The following RGS7 variants were observed in gnomAD, a reference collection of about 807,000 sequenced individuals.
RGS7 encodes regulator of G-protein signaling 7.
A neutral mutation model predicts 81.1 loss-of-function variants in RGS7; 27 were observed. The ratio of observed to expected loss-of-function variants is 0.33; its 90% CI spans 0.25 to 0.46. The LOEUF (loss-of-function observed/expected upper bound fraction) is 0.46, where lower values mean the gene tolerates loss of function less well. Ranked by LOEUF, RGS7 falls within the 20% of genes least tolerant of loss-of-function variation. The pLI is 1.00. For missense variants in RGS7, 396 were observed against 607.4 expected (o/e 0.65, Z 3.66); for synonymous variants, 208 against 207.7 (o/e 1.00, Z -0.01).
Position 240,920,557 on chromosome 1 carries a change from G to A in RGS7, c.385+10160C>T, listed in dbSNP as rs1673347742. On this transcript the variant is annotated intron_variant, in intron 6 of 18. Transcript: ENST00000440928. ...TACTTTGTCAAACCATGAAACTAAGGTGGCTATGGTGGTTGCAGTAACAGC... is the reference window on the plus strand; with the variant it reads ...TACTTTGTCAAACCATGAAACTAAGATGGCTATGGTGGTTGCAGTAACAGC... 2.6e-5 allele frequency: 22 copies of A among 846,760 alleles called. No homozygotes were observed. The South Asian group carries it at 2.9e-4, about 11-fold the overall frequency. 52.5% of individuals were successfully genotyped at this position (846,760 alleles called of 1,614,324 possible).
chr1:241,047,129 G>A (rs1004258834), intron 3 of RGS7, among the ~76,000 whole-genome samples: 3 of 152,156 alleles, frequency 2.0e-5, no homozygotes, highest in African/African-American at 7.2e-5. Flanking sequence ...CAGGGCAAAA[G>A]GAGATGTTAT....
At chr1:241,293,351 A>G (rs1041279593) in intron 2 of RGS7, among the ~76,000 whole-genome samples, 10 of 152,154 alleles carry the variant, frequency 6.6e-5, no homozygotes, top group African/African-American at 2.4e-4. Context: ...CATTATTTAG[A>G]GTGTATTTTT....
At chr1:241,061,398 C>A (rs190515451) in intron 3 of RGS7, among the ~76,000 whole-genome samples, 1 of 152,044 alleles carries the variant, frequency 6.6e-6, no homozygotes, top group African/African-American at 2.4e-5. Flanking sequence ...TAGAAGAGTT[C>A]GACAGAATTG....
chr1:241,264,941 T>C (rs912928006), intron 2 of RGS7, among the ~76,000 whole-genome samples: 1 of 152,186 alleles, frequency 6.6e-6, no homozygotes, highest in East Asian at 1.9e-4. Flanking sequence ...TCCCCCTCCA[T>C]GGGGCTCCCA....
chr1:241,026,967 T>C (rs2059818307), intron 3 of RGS7, among the ~76,000 whole-genome samples: 1 of 151,036 alleles, frequency 6.6e-6, no homozygotes, highest in Non-Finnish European at 1.5e-5. Context: ...AGAATGAGCT[T>C]GGCATGTTTT....
At chr1:241,052,350 G>T (rs2061294916) in intron 3 of RGS7, among the ~76,000 whole-genome samples, 1 of 152,134 alleles carries the variant, frequency 6.6e-6, no homozygotes, top group Non-Finnish European at 1.5e-5. Context: ...TAAAACATTT[G>T]AGGTGGACGT....
chr1:240,802,391 C>A (rs773981390), intron 16 of RGS7, among the ~76,000 whole-genome samples: 1 of 152,096 alleles, frequency 6.6e-6, no homozygotes, highest in African/African-American at 2.4e-5. Context: ...GTATAAAATT[C>A]ATCACAGGGA....
rs770749196 is a variant in RGS7, at chr1:241,236,721, G to A, written c.78+118978C>T. 4.6e-5 allele frequency among the ~76,000 whole-genome samples: 7 copies of A among 152,116 alleles called. No homozygotes were observed. The South Asian group carries it at 8.3e-4, about 18-fold the overall frequency. On this transcript the variant is annotated intron_variant, in intron 2 of 18. Coordinates refer to ENST00000440928, the MANE Select transcript of RGS7 (RefSeq NM_001364886.1). ...TGCCACACCCAAGTTCGATAAAGAA[G>A]CAATATGAGCTTGAATTAAACTTGC...
chr1:241,060,430 C>T (rs2061684113), intron 3 of RGS7, among the ~76,000 whole-genome samples: 1 of 152,190 alleles, frequency 6.6e-6, no homozygotes, highest in Non-Finnish European at 1.5e-5. Context: ...AATGAAAGAA[C>T]ATGAATGGGA....
chr1:240,793,984 C>T (rs1411497126), intron 18 of RGS7, among the ~76,000 whole-genome samples: 2 of 152,080 alleles, frequency 1.3e-5, no homozygotes, highest in Non-Finnish European at 2.9e-5. Context: ...ATCCATAGCA[C>T]TCAACCCTAA....
intron 2 of RGS7, among the ~76,000 whole-genome samples, chr1:241,216,724 G>T (rs574654618): frequency 3.9e-5 from 6 of 152,142 alleles, no homozygotes; most frequent in Non-Finnish European, 7.3e-5. Flanking sequence ...AATGGAAAGA[G>T]ATATAATCCT....
At chr1:241,125,490 C>G (rs1002760530) in intron 2 of RGS7, among the ~76,000 whole-genome samples, 1 of 151,878 alleles carries the variant, frequency 6.6e-6, no homozygotes, top group Non-Finnish European at 1.5e-5. Context: ...CACAGAAAAC[C>G]AAGGGTTCCT....
chr1:241,146,602 C>A (rs1458885990), intron 2 of RGS7, among the ~76,000 whole-genome samples: 1 of 152,202 alleles, frequency 6.6e-6, no homozygotes, highest in Non-Finnish European at 1.5e-5. Flanking sequence ...GATTTAGGGA[C>A]AAGATTCCCA....
intron 9 of RGS7, among the ~76,000 whole-genome samples, chr1:240,833,687 T>C (rs1694220899): frequency 6.6e-6 from 1 of 152,160 alleles, no homozygotes; most frequent in African/African-American, 2.4e-5. Context: ...AAAAACTGCA[T>C]GCATGATCCA....
chr1:241,053,740 C>T (rs1197218122), intron 3 of RGS7, among the ~76,000 whole-genome samples: 2 of 152,146 alleles, frequency 1.3e-5, no homozygotes, highest in African/African-American at 2.4e-5. Context: ...GGGAGAAGCC[C>T]GGTGGGAGAT....
intron 2 of RGS7, among the ~76,000 whole-genome samples, chr1:241,124,359 A>T (rs1453659394): frequency 1.3e-5 from 2 of 152,092 alleles, no homozygotes; most frequent in Non-Finnish European, 2.9e-5. Context: ...GCACCACTGC[A>T]CTCCAGCCTG....
intron 2 of RGS7, among the ~76,000 whole-genome samples, chr1:241,345,296 T>C (rs377171296): frequency 1.1e-4 from 16 of 152,152 alleles, no homozygotes; most frequent in African/African-American, 3.9e-4. Context: ...ATAACTATGC[T>C]TAATACCCGA....
At chr1:241,032,841 C>A (rs545271672) in intron 3 of RGS7, among the ~76,000 whole-genome samples, 91 of 152,264 alleles carry the variant, frequency 6.0e-4, no homozygotes, top group African/African-American at 2.1e-3. Flanking sequence ...TGTTCTGCAA[C>A]TTTACTTAAT....
intron 3 of RGS7, among the ~76,000 whole-genome samples, chr1:241,018,363 T>C (rs1385668108): frequency 6.6e-6 from 1 of 152,082 alleles, no homozygotes; most frequent in East Asian, 1.9e-4. Context: ...AGGTATATCA[T>C]ATCAGGTAAA....
Sources: gnomAD v4.1 joint callset for allele counts (sites outside exome capture counted in the v4.1 genomes callset) on GRCh38, gnomAD v4.1.1 for gene constraint, MANE v1.5 for transcripts, NCBI Gene and HGNC (gene_info 2026-07-23, HGNC 2026-07-21) for gene names.